The following TENM2 variants were observed in gnomAD, a reference collection of about 807,000 sequenced individuals.
The protein encoded by TENM2 is teneurin-2.
Under a neutral mutation model 245.2 loss-of-function variants are expected in TENM2, and 52 were observed. That is an observed-to-expected ratio of 0.21 (90% CI 0.17 to 0.27). TENM2 has a LOEUF of 0.27. Among genes scored for constraint, TENM2 ranks in the 10% least tolerant of loss-of-function variants. The pLI, the probability that TENM2 is intolerant of heterozygous loss-of-function variation, is 1.00. For missense variants in TENM2, 3,046 were observed against 3,666.8 expected, an observed-to-expected ratio of 0.83 and a Z score of 4.37; for synonymous variants, 1,363 against 1,438.9, an observed-to-expected ratio of 0.95 and a Z score of 1.19.
At chr5:168,209,472 A>C (rs1762624818) in intron 19 of TENM2, among the ~76,000 whole-genome samples, 1 of 152,214 alleles carries the variant, frequency 6.6e-6, no homozygotes, top group Admixed American at 6.5e-5. Context: ...CTGGGTGCTA[A>C]AGGGACTGCA....
At chr5:168,112,411 T>C (rs1193748489) in intron 9 of TENM2, among the ~76,000 whole-genome samples, 1 of 152,098 alleles carries the variant, frequency 6.6e-6, no homozygotes, top group East Asian at 1.9e-4. Flanking sequence ...GTATGTGTTT[T>C]TTCCCTGTAT....
chr5:167,375,569 C>T (rs1041377537), intron 2 of TENM2, 96 bp downstream of exon 4: 6 of 1,315,902 alleles, frequency 4.6e-6, no homozygotes, highest in Non-Finnish European at 6.3e-6. Flanking sequence ...CGTCATAAAA[C>T]CATTCATTTT....
the TENM2 span, among the ~76,000 whole-genome samples, chr5:167,080,273 T>A: frequency 3.9e-5 from 6 of 152,190 alleles, no homozygotes; most frequent in Non-Finnish European, 8.8e-5. Context: ...TATCAGAGAT[T>A]TTTTTTCTAT....
intron 2 of TENM2, among the ~76,000 whole-genome samples, chr5:167,528,644 C>T (rs1284736330): frequency 1.3e-5 from 2 of 152,024 alleles, no homozygotes; most frequent in Admixed American, 6.6e-5. Flanking sequence ...TTAACTTTTT[C>T]AAATTTTATC....
rs80323012 is a variant in TENM2 at position 167,696,144 on chromosome 5, G to A, written c.503-179842G>A. Among the ~76,000 whole-genome samples the A allele has an allele frequency of 2.0e-5, 3 of 152,232 alleles. No homozygotes were observed. In the East Asian group the frequency reaches 5.8e-4, roughly 29 times the overall value. ...ATGGCTATGATGAAAATCATGAGGTGATATTTATGATATTTGAAGGGTTGG... is the reference window on the plus strand; with the variant it reads ...ATGGCTATGATGAAAATCATGAGGTAATATTTATGATATTTGAAGGGTTGG... On this transcript the variant is annotated intron_variant, in intron 2 of 28. Coordinates refer to ENST00000518659, the Ensembl canonical transcript of TENM2.
At chr5:167,649,342 T>C (rs1220679827) in intron 2 of TENM2, among the ~76,000 whole-genome samples, 1 of 152,172 alleles carries the variant, frequency 6.6e-6, no homozygotes, top group Non-Finnish European at 1.5e-5. Flanking sequence ...AGGAGTTTGA[T>C]GGGCAGGTGG....
the TENM2 span, among the ~76,000 whole-genome samples, chr5:167,163,798 T>C: frequency 6.6e-6 from 1 of 152,124 alleles, no homozygotes; most frequent in East Asian, 1.9e-4. Flanking sequence ...ACTGTATCTA[T>C]AATAAGAAAA....
chr5:168,102,446 C>G (rs773182888), intron 9 of TENM2, among the ~76,000 whole-genome samples: 1 of 152,158 alleles, frequency 6.6e-6, no homozygotes, highest in Admixed American at 6.5e-5. Flanking sequence ...AATGTTAGCG[C>G]CCCCATTAAC....
intron 4 of TENM2, among the ~76,000 whole-genome samples, chr5:167,957,574 G>A (rs550004633): frequency 3.7e-4 from 56 of 152,172 alleles, no homozygotes; most frequent in African/African-American, 1.3e-3. Context: ...TTAGGGTGTC[G>A]ATTTTAGATT....
the TENM2 span, among the ~76,000 whole-genome samples, chr5:167,200,547 C>T: frequency 1.3e-5 from 2 of 152,160 alleles, no homozygotes; most frequent in East Asian, 1.9e-4. Flanking sequence ...TGAGGAAGCA[C>T]TACATAGAAG....
intron 2 of TENM2, among the ~76,000 whole-genome samples, chr5:167,713,989 G>A (rs540821079): frequency 2.8e-4 from 43 of 152,288 alleles, no homozygotes; most frequent in South Asian, 2.7e-3. Flanking sequence ...TGCCAGCTAT[G>A]GAAGTTTTCA....
In TENM2 at chr5:167,580,247, A is replaced by T. The variant is rs1774995246; in HGVS notation, c.502+204774A>T. ...TGCAAGGGCAAATTTGAGCAGGAAAATCCGAACTAGCGAATTATCATTCAG... is the reference window on the plus strand; with the variant it reads ...TGCAAGGGCAAATTTGAGCAGGAAATTCCGAACTAGCGAATTATCATTCAG... On this transcript the variant is annotated intron_variant, in intron 2 of 28. Transcript: ENST00000518659. Among the ~76,000 whole-genome samples, 6 of 152,352 alleles carry T rather than the reference A, an allele frequency of 3.9e-5. No homozygotes were observed. In the South Asian group the frequency reaches 1.2e-3, roughly 32 times the overall value.
chr5:168,090,222 A>ACG (rs1792812217), intron 7 of TENM2, among the ~76,000 whole-genome samples: 1 of 92,130 alleles, frequency 1.1e-5, no homozygotes, highest in African/African-American at 4.3e-5. Flanking sequence ...CCCCCACCAC[A>ACG]CACACACACA....
chr5:167,814,464 A>G (rs1009191061), intron 2 of TENM2, among the ~76,000 whole-genome samples: 4 of 150,928 alleles, frequency 2.7e-5, no homozygotes, highest in South Asian at 4.2e-4. Flanking sequence ...AAAAAAAAAA[A>G]AAAAAGAAAA....
intron 2 of TENM2, among the ~76,000 whole-genome samples, chr5:167,837,551 A>T (rs898734672): frequency 6.6e-6 from 1 of 152,230 alleles, no homozygotes; most frequent in Non-Finnish European, 1.5e-5. Context: ...TGACCAAAAG[A>T]TGCTGACAAA....
intron 10 of TENM2, among the ~76,000 whole-genome samples, chr5:168,123,957 A>C (rs1203622558): frequency 6.6e-6 from 1 of 152,182 alleles, no homozygotes; most frequent in Admixed American, 6.5e-5. Context: ...TCTCATGCAA[A>C]AAGTCCTGTC....
intron 2 of TENM2, among the ~76,000 whole-genome samples, chr5:167,583,125 T>G (rs1775211573): frequency 6.6e-6 from 1 of 152,212 alleles, no homozygotes; most frequent in Admixed American, 6.5e-5. Flanking sequence ...TGTCCGTGAC[T>G]CTTACACACC....
chr5:168,070,820 A>AGAGAGAGAGAG (rs375473762), intron 7 of TENM2, among the ~76,000 whole-genome samples: 2 of 86,962 alleles, frequency 2.3e-5, no homozygotes, highest in African/African-American at 7.5e-5. Context: ...AGAGAGAGAG[A>AGAGAGAGAGAG]AAAAAAGAAA....
rs150335226 is a variant in TENM2 at position 168,112,658 on chromosome 5, A to G, written c.1814-5634A>G. On this transcript the variant is annotated intron_variant, in intron 9 of 28. Transcript: ENST00000518659. ...TTCTACCAGATGGATTGCCAATTGC[A>G]GGGATCTTGCTAGAAGGGAAACTCA... is the stretch of plus-strand genomic sequence containing the variant. Among the ~76,000 whole-genome samples the G allele has an allele frequency of 8.4e-3, 1,248 of 148,274 alleles. 16 individuals carry two copies. The highest frequency in any genetic ancestry group is 0.029 in the African/African-American group (1,160 of 40,128).
Sources: gnomAD v4.1 joint callset for allele counts (sites outside exome capture counted in the v4.1 genomes callset) on GRCh38, gnomAD v4.1.1 for gene constraint, MANE v1.5 for transcripts, NCBI Gene and HGNC (gene_info 2026-07-23, HGNC 2026-07-21) for gene names.